The following P4HA1 variants were observed in gnomAD, a reference collection of about 807,000 sequenced individuals.
The protein encoded by P4HA1 is prolyl 4-hydroxylase subunit alpha 1, also known as prolyl 4-hydroxylase subunit alpha-1.
P4HA1 carries 24 observed loss-of-function variants against 72.8 expected under a neutral mutation model. That is an observed-to-expected ratio of 0.33 (90% confidence interval 0.24 to 0.46). P4HA1 has a LOEUF of 0.46. P4HA1 is among the 20% of genes least tolerant of loss of function. The pLI is 1.00. For synonymous variants in P4HA1, 201 were observed against 218.8 expected, an observed-to-expected ratio of 0.92 and a Z score of 0.72; for missense variants, 446 against 640.6, an observed-to-expected ratio of 0.70 and a Z score of 3.28.
chr10:73,096,170 T>C (rs1021761369), intron 1 of P4HA1, among the ~76,000 whole-genome samples: 1 of 152,240 alleles, frequency 6.6e-6, no homozygotes, highest in Non-Finnish European at 1.5e-5. Flanking sequence ...GGGCTACGTC[T>C]GGCAGCTAAT....
intron 4 of P4HA1, among the ~76,000 whole-genome samples, chr10:73,070,142 CTTTTTTTTTTTTTTTTTTTTT>C (rs71021546): frequency 6.2e-5 from 4 of 64,504 alleles, no homozygotes; most frequent in East Asian, 5.3e-4. Flanking sequence ...GAGACCAGGC[CTTTTTTTTTTTTTTTTTTTTT>C]TTTTTTTTTT....
At chr10:73,085,644 A>G (rs867753245) in intron 1 of P4HA1, among the ~76,000 whole-genome samples, 3 of 151,990 alleles carry the variant, frequency 2.0e-5, no homozygotes, top group Non-Finnish European at 4.4e-5. Flanking sequence ...CAGCCTCCCA[A>G]AGTGCTGGGA....
intron 12 of P4HA1, 122 bp from the exon 13 acceptor site, chr10:73,011,159 T>C (rs1839903058): frequency 1.4e-6 from 1 of 709,548 alleles, no homozygotes. Context: ...TTATATAGCA[T>C]GGTTGGTACA....
rs200368222 is a variant in P4HA1 at position 73,051,086 on chromosome 10, G to A, written c.867C>T (p.Tyr289=). The part of the protein sequence containing the change: ...AVDYLPERQK[Y]EMLCRGEGIK... ...TACCCTCCCCACGGCACAGCATTTC[G>A]TACTTCTGTCTCTCTGGCAGGTAAT... is the stretch of plus-strand genomic sequence containing the variant. Residue 289 remains tyrosine (Y), a synonymous_variant, in exon 7 of 15, where the codon TAC becomes TAT. Coordinates refer to ENST00000394890, the MANE Select transcript of P4HA1 (RefSeq NM_001017962.3). 5.0e-6 allele frequency: 8 copies of A among 1,613,776 alleles called. No individual in the cohort carries two copies. The highest frequency in any genetic ancestry group is 1.6e-4 in the Middle Eastern group (1 of 6,084).
intron 1 of P4HA1, among the ~76,000 whole-genome samples, chr10:73,090,010 T>C (rs931709408): frequency 2.0e-5 from 3 of 151,324 alleles, no homozygotes; most frequent in Admixed American, 2.0e-4. Context: ...CTTTTTAATT[T>C]TTTTGTAGAG....
intron 1 of P4HA1, among the ~76,000 whole-genome samples, chr10:73,077,420 A>G (rs559924139): frequency 9.0e-4 from 137 of 152,214 alleles, no homozygotes; most frequent in Non-Finnish European, 1.2e-3. Flanking sequence ...CTCACAAGGA[A>G]TTAAAAACCA....
chr10:73,075,033 TGTTA>T (rs1807065575), intron 1 of P4HA1, 118 bp from the exon 2 acceptor site: 12 of 556,370 alleles, frequency 2.2e-5, no homozygotes, highest in Middle Eastern at 4.7e-4. Flanking sequence ...ATAAAATTGA[TGTTA>T]GTTATTATCA....
chr10:73,049,835 T>C (rs1840971135), intron 7 of P4HA1, among the ~76,000 whole-genome samples: 1 of 152,178 alleles, frequency 6.6e-6, no homozygotes, highest in Non-Finnish European at 1.5e-5. Context: ...TTGTATCTCA[T>C]AAGATGCACA....
At chr10:73,039,854 CTTTT>C (rs765288935) in intron 9 of P4HA1, among the ~76,000 whole-genome samples, 18 of 86,994 alleles carry the variant, frequency 2.1e-4, no homozygotes, top group African/African-American at 7.9e-4. Context: ...CTGAGATGGC[CTTTT>C]TTTTTTTTTT....
chr10:73,065,404 C>CA (rs1589614681), intron 5 of P4HA1: 1 of 152,120 alleles, frequency 6.6e-6, no homozygotes, highest in African/African-American at 2.4e-5. Context: ...CAAAGCATTT[C>CA]AAAAGATAGG....
chr10:73,039,258 T>TG (rs1216295716), intron 9 of P4HA1, among the ~76,000 whole-genome samples: 2 of 151,866 alleles, frequency 1.3e-5, no homozygotes, highest in Non-Finnish European at 2.9e-5. Context: ...GACTTAGGCC[T>TG]AGATGACAGA....
chr10:73,090,512 A>T (rs1020024630), intron 1 of P4HA1, among the ~76,000 whole-genome samples: 5 of 152,158 alleles, frequency 3.3e-5, no homozygotes, highest in African/African-American at 9.7e-5. Flanking sequence ...TATTTTTGTC[A>T]AATTTATCAA....
intron 9 of P4HA1, among the ~76,000 whole-genome samples, chr10:73,034,120 G>A (rs758576728): frequency 7.2e-5 from 11 of 151,992 alleles, no homozygotes; most frequent in African/African-American, 2.4e-4. Flanking sequence ...AGGCTGAAGC[G>A]GAAGGATTAC....
intron 5 of P4HA1, among the ~76,000 whole-genome samples, chr10:73,066,009 GA>G (rs1374970875): frequency 6.6e-6 from 1 of 152,074 alleles, no homozygotes; most frequent in Non-Finnish European, 1.5e-5. Flanking sequence ...CAATACAATG[GA>G]AAATATATAT....
chr10:73,059,740 C>A (rs1284831081), intron 5 of P4HA1, among the ~76,000 whole-genome samples: 1 of 149,178 alleles, frequency 6.7e-6, no homozygotes. Context: ...AAGACTCCAT[C>A]TGAAAAAAAT....
At chr10:73,024,120 T>C (rs766616661) in intron 10 of P4HA1, among the ~76,000 whole-genome samples, 1 of 152,178 alleles carries the variant, frequency 6.6e-6, no homozygotes, top group Non-Finnish European at 1.5e-5. Flanking sequence ...GGAACTCAGC[T>C]CTGCACTAAG....
At chr10:73,025,496 A>G (rs1182107206) in intron 10 of P4HA1, among the ~76,000 whole-genome samples, 1 of 152,174 alleles carries the variant, frequency 6.6e-6, no homozygotes, top group Non-Finnish European at 1.5e-5. Flanking sequence ...TGACAAACCC[A>G]CAGCCAATAT....
intron 8 of P4HA1, among the ~76,000 whole-genome samples, 165 bp from the exon 9 acceptor site, chr10:73,045,216 T>C (rs1840827193): frequency 6.6e-6 from 1 of 151,080 alleles, no homozygotes; most frequent in Admixed American, 6.6e-5. Context: ...CAGTTAGTTT[T>C]TTAGGTTTTT....
Position 73,008,196 on chromosome 10 carries a change from A to G in P4HA1, c.*26T>C, listed in dbSNP as rs759915330. ...ATATCAGACACATAAGAGTACAACA[A>G]TAGGAGAAAAAGGGAAGCCTGTTTG... On this transcript the variant is annotated 3_prime_UTR_variant, in exon 15 of 15. Transcript: ENST00000394890. The G allele has an allele frequency of 6.1e-6, 9 of 1,477,580 alleles. No homozygotes were observed. Among genetic ancestry groups the G allele is most frequent in the Non-Finnish European group, 2.8e-6 (3 of 1,057,058 alleles). The allele number at this position is 1,477,580 out of a possible 1,614,324, so 91.5% of individuals were successfully genotyped here.
Sources: gnomAD v4.1 joint callset for allele counts (sites outside exome capture counted in the v4.1 genomes callset) on GRCh38, gnomAD v4.1.1 for gene constraint, MANE v1.5 for transcripts, NCBI Gene and HGNC (gene_info 2026-07-23, HGNC 2026-07-21) for gene names.